The following GPC5 variants were observed in gnomAD, a reference collection of about 807,000 sequenced individuals.
GPC5 encodes glypican-5.
Under a neutral mutation model 53.9 loss-of-function variants are expected in GPC5, and 47 were observed. The ratio of observed to expected loss-of-function variants is 0.87; its 90% confidence interval spans 0.69 to 1.11. The LOEUF is 1.11. GPC5 is among the 50% of genes most tolerant of loss of function. The probability of loss-of-function intolerance (pLI) is 0.00; values close to 1 mark genes in which losing one functional copy is unlikely to be tolerated. For synonymous variants in GPC5, 286 were observed against 263.3 expected (o/e 1.09, Z -0.84); for missense variants, 748 against 713.1 (o/e 1.05, Z -0.56).
chr13:91,933,561 AAACCCATTATAT>A (rs1293098360), intron 6 of GPC5, among the ~76,000 whole-genome samples: 1 of 151,972 alleles, frequency 6.6e-6, no homozygotes, highest in Non-Finnish European at 1.5e-5. Flanking sequence ...AAATGTTAAT[AAACCCATTATAT>A]ATGCTAAAAG....
chr13:92,681,616 C>T (rs1887112958), intron 7 of GPC5, among the ~76,000 whole-genome samples: 1 of 152,178 alleles, frequency 6.6e-6, no homozygotes, highest in South Asian at 2.1e-4. Context: ...ATTCTAAACT[C>T]TTCAGTTTTA....
At chr13:92,154,821 A>T (rs772674615) in intron 7 of GPC5, among the ~76,000 whole-genome samples, 5 of 152,238 alleles carry the variant, frequency 3.3e-5, no homozygotes, top group Non-Finnish European at 5.9e-5. Flanking sequence ...CAATCTGAGC[A>T]CTAATGATGG....
intron 7 of GPC5, among the ~76,000 whole-genome samples, chr13:92,661,879 T>C (rs1258764093): frequency 6.6e-6 from 1 of 152,244 alleles, no homozygotes; most frequent in East Asian, 1.9e-4. Flanking sequence ...CTTCTTTCTC[T>C]GTATCACCAA....
chr13:92,068,808 A>T (rs184023679), intron 6 of GPC5, among the ~76,000 whole-genome samples: 49 of 151,876 alleles, frequency 3.2e-4, no homozygotes, highest in African/African-American at 1.1e-3. Context: ...TGTACTTTTT[A>T]AAATTAAGGT....
intron 1 of GPC5, among the ~76,000 whole-genome samples, chr13:91,434,019 A>T (rs376920038): frequency 2.0e-5 from 3 of 152,126 alleles, no homozygotes; most frequent in Non-Finnish European, 2.9e-5. Flanking sequence ...GTGTCTGTTC[A>T]TATCCTTTGC....
chr13:92,410,088 TTTTC>T (rs1594177852), intron 7 of GPC5, among the ~76,000 whole-genome samples: 2 of 152,270 alleles, frequency 1.3e-5, no homozygotes, highest in South Asian at 2.1e-4. Context: ...TGAACACACT[TTTTC>T]TTTAATAACT....
At chr13:92,825,664 A>G (rs1019936722) in intron 7 of GPC5, among the ~76,000 whole-genome samples, 2 of 152,124 alleles carry the variant, frequency 1.3e-5, no homozygotes, top group African/African-American at 4.8e-5. Context: ...AGAATTTTAT[A>G]TATGACTTAT....
chr13:92,226,848 C>T (rs922669835), intron 7 of GPC5, among the ~76,000 whole-genome samples: 8 of 151,932 alleles, frequency 5.3e-5, no homozygotes, highest in African/African-American at 1.7e-4. Context: ...GATCCATCTG[C>T]CTCAGCCTCC....
intron 6 of GPC5, among the ~76,000 whole-genome samples, chr13:91,941,220 G>T (rs1047278927): frequency 4.6e-5 from 7 of 151,934 alleles, no homozygotes; most frequent in African/African-American, 7.3e-5. Flanking sequence ...GTCTGCTTTT[G>T]TACTACTACC....
chr13:92,111,154 T>C (rs559950164), intron 6 of GPC5, among the ~76,000 whole-genome samples: 2 of 152,284 alleles, frequency 1.3e-5, no homozygotes, highest in South Asian at 4.1e-4. Flanking sequence ...CTTCATGATA[T>C]CACAAAACTA....
intron 2 of GPC5, among the ~76,000 whole-genome samples, chr13:91,655,106 C>T (rs1269748324): frequency 6.6e-6 from 1 of 152,026 alleles, no homozygotes; most frequent in Non-Finnish European, 1.5e-5. Flanking sequence ...AGAAAGTGAT[C>T]AAGTAAGTGA....
intron 7 of GPC5, among the ~76,000 whole-genome samples, chr13:92,428,326 C>T (rs1029958813): frequency 2.0e-5 from 3 of 152,096 alleles, no homozygotes. Flanking sequence ...ATTGAATTAT[C>T]TCTGAAAGCA....
intron 7 of GPC5, among the ~76,000 whole-genome samples, chr13:92,339,530 T>C (rs550635889): frequency 1.3e-5 from 2 of 152,184 alleles, no homozygotes; most frequent in East Asian, 3.9e-4. Context: ...ATTCCAACTT[T>C]CCATTAAGAA....
chr13:92,227,955 T>C (rs2042500752), intron 7 of GPC5, among the ~76,000 whole-genome samples: 1 of 152,162 alleles, frequency 6.6e-6, no homozygotes, highest in South Asian at 2.1e-4. Flanking sequence ...GTATTATGTA[T>C]TGTATACTTC....
At chr13:92,786,079 G>T (rs532148493) in intron 7 of GPC5, among the ~76,000 whole-genome samples, 2 of 152,158 alleles carry the variant, frequency 1.3e-5, no homozygotes, top group African/African-American at 4.8e-5. Flanking sequence ...GTACAAATTG[G>T]AAAGTGTAGA....
At chr13:91,510,503 A>G (rs1364023900) in intron 2 of GPC5, among the ~76,000 whole-genome samples, 2 of 152,212 alleles carry the variant, frequency 1.3e-5, no homozygotes, top group African/African-American at 4.8e-5. Context: ...ATAAACATTT[A>G]TAGATATATA....
chr13:92,562,434 A>G (rs929664946), intron 7 of GPC5, among the ~76,000 whole-genome samples: 5 of 152,050 alleles, frequency 3.3e-5, no homozygotes, highest in African/African-American at 1.2e-4. Flanking sequence ...GTTGAAGTGG[A>G]AGCCATTAGA....
intron 6 of GPC5, among the ~76,000 whole-genome samples, chr13:91,974,872 C>T (rs2040282781): frequency 6.6e-6 from 1 of 152,156 alleles, no homozygotes; most frequent in African/African-American, 2.4e-5. Context: ...TCAAACTATA[C>T]TACAAGGCTA....
At chr13:91,626,201 A>G (rs1397781795) in intron 2 of GPC5, among the ~76,000 whole-genome samples, 2 of 152,188 alleles carry the variant, frequency 1.3e-5, no homozygotes, top group East Asian at 1.9e-4. Context: ...CTATACTTCA[A>G]GGTTACTAGC....
Sources: gnomAD v4.1 joint callset for allele counts (sites outside exome capture counted in the v4.1 genomes callset) on GRCh38, gnomAD v4.1.1 for gene constraint, MANE v1.5 for transcripts, NCBI Gene and HGNC (gene_info 2026-07-23, HGNC 2026-07-21) for gene names.